A2M: variants seen among roughly 807,000 people sequenced by gnomAD.
A2M encodes alpha-2-macroglobulin, also known as C3 and PZP-like alpha-2-macroglobulin domain-containing protein 5.
A neutral mutation model predicts 183.9 loss-of-function variants in A2M; 128 were observed. That is an observed-to-expected ratio of 0.70 (90% CI 0.60 to 0.81). The LOEUF is 0.81. Among genes scored for constraint, A2M ranks in the 30% least tolerant of loss-of-function variants. The probability of loss-of-function intolerance (pLI) is 0.00; values close to 1 mark genes in which losing one functional copy is unlikely to be tolerated. For missense variants in A2M, 1,495 were observed against 1,787.6 expected (o/e 0.84, Z 2.95); for synonymous variants, 592 against 670.8 (o/e 0.88, Z 1.81).
chr12:9,074,629 G>GGTCA lies in A2M; in HGVS notation c.3683_3686dup (p.Ser1230AspfsTer125), dbSNP rs1948683011. The GGTCA allele has an allele frequency of 6.2e-7, 1 of 1,613,970 alleles. No individual in the cohort carries two copies. Among genetic ancestry groups the GGTCA allele is most frequent in the Non-Finnish European group, 8.5e-7 (1 of 1,179,980 alleles). Reference sequence around the variant, plus strand: ...TCCACTTCACGATGTTGGTTGCAGAGGTCAGGTCCTCCGAGGTTGGGGCTG... The same window carrying GGTCA: ...TCCACTTCACGATGTTGGTTGCAGAGGTCAGTCAGGTCCTCCGAGGTTGGGGCTG... On this transcript the variant is annotated frameshift_variant, in exon 29 of 36. Transcript: ENST00000318602. LOFTEE classifies it high-confidence loss of function.
At position 9,079,365 on chromosome 12, in the gene A2M, A is replaced by T. The variant is rs368833668; in HGVS notation, c.3032-34T>A. On this transcript the variant is annotated intron_variant, in intron 24 of 35. Coordinates refer to ENST00000318602, the MANE Select transcript of A2M (RefSeq NM_000014.6). ...GAAGATTAACGAAACAGCACAATGG[A>T]TTAATGTGCATGCTGAGGGTGGAGA... The T allele has an allele frequency of 8.4e-6, 13 of 1,544,976 alleles. No homozygotes were observed. The African/African-American group carries it at 1.5e-4, about 18-fold the overall frequency.
At chr12:9,101,263 C>A in intron 12 of A2M, 56 bp from the exon 13 acceptor site, 2 of 1,514,260 alleles carry the variant, frequency 1.3e-6, no homozygotes, top group Non-Finnish European at 1.8e-6. Flanking sequence ...ACGCTTCAGT[C>A]TCACTTCAAT....
At chr12:9,100,884 A>G (rs1348954074) in intron 13 of A2M, among the ~76,000 whole-genome samples, 1 of 152,058 alleles carries the variant, frequency 6.6e-6, no homozygotes, top group African/African-American at 2.4e-5. Context: ...GATACAATGG[A>G]CTTTGTGGAT....
In A2M at chr12:9,109,240, G is replaced by T. The variant is rs781577435; in HGVS notation, c.758+81C>A. On this transcript the variant is annotated intron_variant, in intron 7 of 35. Coordinates refer to ENST00000318602, the MANE Select transcript of A2M (RefSeq NM_000014.6). ...AAATTTTTGTGTTGCCACTGCTCCC[G>T]GAGAGAGTAGTTAAAATATCCCAAA... 77 of 1,143,330 alleles carry T rather than the reference G, an allele frequency of 6.7e-5. 1 individual carries two copies. In the African/African-American group the frequency reaches 9.9e-4, roughly 15 times the overall value. 70.8% of individuals were successfully genotyped at this position (1,143,330 alleles called of 1,614,324 possible).
chr12:9,081,071 A>G (rs979512441), intron 22 of A2M, among the ~76,000 whole-genome samples: 4 of 152,182 alleles, frequency 2.6e-5, no homozygotes, highest in Non-Finnish European at 5.9e-5. Flanking sequence ...GTAAAAAAAC[A>G]GATGCCATAA....
At chr12:9,115,977 A>T (rs1295601983), upstream of A2M, 2 of 773,052 alleles carry the variant, frequency 2.6e-6, no homozygotes, top group Non-Finnish European at 4.6e-6. Flanking sequence ...AGGAAGTTCC[A>T]CCCACACAAG....
At chr12:9,087,117 T>C (rs1478075792) in intron 22 of A2M, among the ~76,000 whole-genome samples, 2 of 143,704 alleles carry the variant, frequency 1.4e-5, no homozygotes, top group Non-Finnish European at 3.0e-5. Flanking sequence ...ATGAAAGAAA[T>C]CAAAGAGAAC....
Position 9,110,307 on chromosome 12 carries a change from T to C in A2M, c.504+7A>G. ...CCTTTTAATATGGAATGTTTCATGT[T>C]GCTTACCTGAATGTATACTAGTGGA... On this transcript the variant is annotated splice_region_variant and intron_variant, in intron 5 of 35. Coordinates refer to ENST00000318602, the MANE Select transcript of A2M (RefSeq NM_000014.6). 6.8e-7 allele frequency: 1 copy of C among 1,468,982 alleles called. No individual in the cohort carries two copies. The highest frequency in any genetic ancestry group is 9.2e-7 in the Non-Finnish European group (1 of 1,083,852). The allele number at this position is 1,468,982 out of a possible 1,614,324, so 91.0% of individuals were successfully genotyped here. A position where few individuals can be genotyped will look rare whatever the true frequency, so the allele number is the denominator to read the frequency against.
intron 22 of A2M, among the ~76,000 whole-genome samples, chr12:9,081,125 A>G (rs1045771372): frequency 1.3e-5 from 2 of 152,222 alleles, no homozygotes; most frequent in African/African-American, 2.4e-5. Flanking sequence ...TATCTGCAAC[A>G]TATTCAACAG....
At chr12:9,078,934 A>G (rs932988390) in intron 25 of A2M, among the ~76,000 whole-genome samples, 12 of 152,216 alleles carry the variant, frequency 7.9e-5, no homozygotes, top group African/African-American at 2.9e-4. Context: ...TGGAAGTTAT[A>G]TATGTTCACT....
In A2M at chr12:9,089,883, A is replaced by G; in HGVS notation, c.2718+19T>C. ...TATTATATATTATTGTGGACTATAT[A>G]TTATTTAGGTTTACTTACTTCAACC... On this transcript the variant is annotated intron_variant, in intron 21 of 35. Transcript: ENST00000318602. 6.3e-7 allele frequency: 1 copy of G among 1,586,682 alleles called. No individual in the cohort carries two copies. Among genetic ancestry groups the G allele is most frequent in the Non-Finnish European group, 8.6e-7 (1 of 1,159,650 alleles).
intron 14 of A2M, 127 bp downstream of exon 14, chr12:9,099,254 C>A: frequency 1.2e-6 from 1 of 864,088 alleles, no homozygotes; most frequent in South Asian, 1.7e-5. Context: ...CTGCCACTAC[C>A]TTGCTGAATG....
intron 1 of A2M, among the ~76,000 whole-genome samples, chr12:9,114,698 T>G (rs942386626): frequency 6.7e-6 from 1 of 149,548 alleles, no homozygotes; most frequent in South Asian, 2.1e-4. Context: ...TGTATACTTA[T>G]GTTCACATAT....
At chr12:9,090,556 T>C (rs1565589765) in intron 19 of A2M, 74 bp from the exon 20 acceptor site, 10 of 1,514,906 alleles carry the variant, frequency 6.6e-6, no homozygotes, top group South Asian at 2.4e-5. Context: ...GTAAAGCATC[T>C]TGAGGAATTG....
intron 21 of A2M, 127 bp from the exon 22 acceptor site, chr12:9,089,378 TG>T: frequency 1.4e-6 from 1 of 724,600 alleles, no homozygotes; most frequent in South Asian, 1.6e-5. Context: ...AAGAAAATTC[TG>T]TACATATAAG....
At chr12:9,096,781 G>T (rs747122059) in intron 15 of A2M, among the ~76,000 whole-genome samples, 2 of 152,278 alleles carry the variant, frequency 1.3e-5, no homozygotes, top group South Asian at 2.1e-4. Context: ...TTTTATTGTG[G>T]CATATTGCAT....
At chr12:9,090,134 C>A in intron 20 of A2M, 111 bp from the exon 21 acceptor site, 1 of 1,469,782 alleles carries the variant, frequency 6.8e-7, no homozygotes, top group Non-Finnish European at 9.2e-7. Context: ...TATTAAAACA[C>A]AGAAGCAGGA....
Position 9,090,006 on chromosome 12 carries a change from C to T in A2M, c.2614G>A (p.Val872Met), listed in dbSNP as rs772683305. ...TGAGACTCTAGTGCCTCTGCGCTCACAGTGAAATTCACATTTCCTGAAAAA... is the reference window on the plus strand; with the variant it reads ...TGAGACTCTAGTGCCTCTGCGCTCATAGTGAAATTCACATTTCCTGAAAAA... The part of the protein sequence containing the change: ...PKSLGNVNFT[V>M]SAEALESQEL... The change falls in exon 21 of 36, where the codon GTG becomes ATG. Residue 872 changes from valine to methionine, a missense_variant. By Grantham distance (21) the Val-to-Met change is conservative (BLOSUM62 1). Coordinates refer to ENST00000318602, the MANE Select transcript of A2M (RefSeq NM_000014.6). 6.3e-7 allele frequency: 1 copy of T among 1,591,938 alleles called. No homozygotes were observed. The highest frequency in any genetic ancestry group is 8.6e-7 in the Non-Finnish European group (1 of 1,163,386).
chr12:9,078,269 C>T (rs1323728566), intron 25 of A2M, among the ~76,000 whole-genome samples: 4 of 112,694 alleles, frequency 3.5e-5, no homozygotes, highest in Non-Finnish European at 7.2e-5. Context: ...TTAACTCCCA[C>T]TTATGAGTGA....
Sources: gnomAD v4.1 joint callset for allele counts (sites outside exome capture counted in the v4.1 genomes callset) on GRCh38, gnomAD v4.1.1 for gene constraint, MANE v1.5 for transcripts, NCBI Gene and HGNC (gene_info 2026-07-23, HGNC 2026-07-21) for gene names.